Variants in ALK observed in about 807,000 individuals in gnomAD.
ALK encodes the protein ALK receptor tyrosine kinase, also known as ALK tyrosine kinase receptor.
ALK carries 74 observed loss-of-function variants against 163.1 expected under a neutral mutation model. That is an observed-to-expected ratio of 0.45 (90% confidence interval 0.38 to 0.55). The LOEUF (loss-of-function observed/expected upper bound fraction) is 0.55, where lower values mean the gene tolerates loss of function less well. ALK is among the 20% of genes least tolerant of loss of function. The probability of loss-of-function intolerance (pLI) is 0.00; values close to 1 mark genes in which losing one functional copy is unlikely to be tolerated. For synonymous variants in ALK, 960 were observed against 843.2 expected, an observed-to-expected ratio of 1.14 and a Z score of -2.40; for missense variants, 2,063 against 2,105.3, an observed-to-expected ratio of 0.98 and a Z score of 0.39.
At chr2:29,662,160 C>T (rs1471992638) in intron 3 of ALK, among the ~76,000 whole-genome samples, 1 of 152,146 alleles carries the variant, frequency 6.6e-6, no homozygotes, top group Non-Finnish European at 1.5e-5. Flanking sequence ...AATCTGCCCA[C>T]CTCGGCCTCC....
At chr2:29,397,792 C>T (rs1353632801) in intron 4 of ALK, among the ~76,000 whole-genome samples, 1 of 152,176 alleles carries the variant, frequency 6.6e-6, no homozygotes, top group African/African-American at 2.4e-5. Context: ...TAGAATGATA[C>T]TAGGAAGTGT....
At chr2:29,530,062 CTTTTTTTTTT>C (rs10536963) in intron 4 of ALK, among the ~76,000 whole-genome samples, 9 of 101,904 alleles carry the variant, frequency 8.8e-5, no homozygotes, top group Non-Finnish European at 1.6e-4. Context: ...AATAATCGCT[CTTTTTTTTTT>C]TTTTTTTTTT....
chr2:29,304,014 T>C (rs1666438155), intron 8 of ALK, among the ~76,000 whole-genome samples: 1 of 152,172 alleles, frequency 6.6e-6, no homozygotes, highest in Non-Finnish European at 1.5e-5. Flanking sequence ...CCTGCATGTT[T>C]ATCCCCTGAA....
chr2:29,800,847 G>A (rs1203402958), intron 1 of ALK, among the ~76,000 whole-genome samples: 2 of 152,216 alleles, frequency 1.3e-5, no homozygotes. Context: ...GGGGAGCTGA[G>A]TAATTTACAG....
In ALK at chr2:29,549,137, T is replaced by TACACAC. The variant is rs58557380; in HGVS notation, c.953-17027_953-17022dup. 3.8e-3 allele frequency among the ~76,000 whole-genome samples: 567 copies of TACACAC among 149,730 alleles called. 2 individuals carry two copies. Among genetic ancestry groups the TACACAC allele is most frequent in the South Asian group, 9.4e-3 (44 of 4,686 alleles). On this transcript the variant is annotated intron_variant, in intron 3 of 28. Transcript: ENST00000389048. ...ATAACAGTGGCTGCTGATCTACAGG[T>TACACAC]ACACACACACACACACACACACACG...
intron 4 of ALK, among the ~76,000 whole-genome samples, chr2:29,499,723 C>A (rs1030463194): frequency 1.3e-5 from 2 of 152,120 alleles, no homozygotes; most frequent in Admixed American, 1.3e-4. Context: ...ATTTTCACCA[C>A]CGTGAACCAC....
intron 4 of ALK, among the ~76,000 whole-genome samples, chr2:29,453,333 G>A (rs4267472): frequency 0.57 from 86,163 of 151,926 alleles, 24,637 homozygotes; most frequent in East Asian, 0.68. Flanking sequence ...CCAGGCTCAA[G>A]CCATCCTCCC....
At position 29,225,531 on chromosome 2, in the gene ALK, C is replaced by G. The variant is rs138771319; in HGVS notation, c.3102G>C (p.Ser1034=). The G allele has an allele frequency of 1.2e-6, 2 of 1,613,248 alleles. No homozygotes were observed. Among genetic ancestry groups the G allele is most frequent in the South Asian group, 1.1e-5 (1 of 90,598 alleles). Residue 1034 remains serine (S), a synonymous_variant, in exon 19 of 29, where the codon TCG becomes TCC. Coordinates refer to ENST00000389048, the MANE Select transcript of ALK (RefSeq NM_004304.5). ...CAGAGGTCACCACAGAGAGGATCAG[C>G]GAGAGTGGCAGGTGTGGCTCCGGGG... is the stretch of plus-strand genomic sequence containing the variant. ...SPTPEPHLPL[S]LILSVVTSAL... is the part of the protein sequence containing the mutation.
At chr2:29,563,609 G>A (rs771190920) in intron 3 of ALK, among the ~76,000 whole-genome samples, 1 of 152,156 alleles carries the variant, frequency 6.6e-6, no homozygotes, top group Non-Finnish European at 1.5e-5. Context: ...TCTTTCTGAT[G>A]TGGGTATAAC....
chr2:29,647,784 T>TTC (rs935666000), intron 3 of ALK, among the ~76,000 whole-genome samples: 1 of 148,598 alleles, frequency 6.7e-6, no homozygotes, highest in African/African-American at 2.5e-5. Flanking sequence ...TCTTTTTTTT[T>TTC]TTTTTTTTTT....
intron 1 of ALK, among the ~76,000 whole-genome samples, chr2:29,834,969 T>G (rs1439344242): frequency 1.3e-5 from 2 of 152,228 alleles, no homozygotes; most frequent in Admixed American, 6.5e-5. Context: ...GAGCTCATGG[T>G]AAAGAAAACT....
At chr2:29,756,069 G>A (rs1311484768) in intron 1 of ALK, among the ~76,000 whole-genome samples, 4 of 152,176 alleles carry the variant, frequency 2.6e-5, no homozygotes, top group Non-Finnish European at 5.9e-5. Context: ...TACACACAGT[G>A]GCAAGGAGCC....
At chr2:29,502,630 C>A (rs1370145690) in intron 4 of ALK, among the ~76,000 whole-genome samples, 1 of 151,994 alleles carries the variant, frequency 6.6e-6, no homozygotes, top group Non-Finnish European at 1.5e-5. Flanking sequence ...GGAACAGCAC[C>A]GGCCTGGGTA....
At chr2:29,217,765 T>TGGGAGTATC (rs1239459207) in intron 23 of ALK, among the ~76,000 whole-genome samples, 1 of 152,134 alleles carries the variant, frequency 6.6e-6, no homozygotes, top group Non-Finnish European at 1.5e-5. Context: ...AGGGAACCCC[T>TGGGAGTATC]GGGAGTATCA....
chr2:29,349,046 C>A (rs1310318731), intron 5 of ALK, among the ~76,000 whole-genome samples: 1 of 112,926 alleles, frequency 8.9e-6, no homozygotes, highest in East Asian at 3.5e-4. Flanking sequence ...TTGTGAAGAG[C>A]AAATGAATTA....
intron 4 of ALK, among the ~76,000 whole-genome samples, chr2:29,413,780 G>C (rs911570780): frequency 6.6e-6 from 1 of 152,002 alleles, no homozygotes; most frequent in African/African-American, 2.4e-5. Context: ...TGACCCACCT[G>C]CCTCAGCCTC....
chr2:29,493,262 C>G (rs1671945889), intron 4 of ALK, among the ~76,000 whole-genome samples: 1 of 152,182 alleles, frequency 6.6e-6, no homozygotes, highest in South Asian at 2.1e-4. Flanking sequence ...AATGGCTCCA[C>G]CTGGGTAACT....
At chr2:29,225,607 G>T (rs763224787) in intron 18 of ALK, 42 bp from the exon 19 acceptor site, 2 of 1,536,074 alleles carry the variant, frequency 1.3e-6, no homozygotes, top group South Asian at 1.2e-5. Context: ...ACCACACCAG[G>T]TCTCCTTTGA....
At chr2:29,358,464 G>T (rs1439354821) in intron 5 of ALK, among the ~76,000 whole-genome samples, 1 of 152,310 alleles carries the variant, frequency 6.6e-6, no homozygotes, top group East Asian at 1.9e-4. Flanking sequence ...TGGGCCTATG[G>T]TTCAGTCTAA....
Sources: gnomAD v4.1 joint callset for allele counts (sites outside exome capture counted in the v4.1 genomes callset) on GRCh38, gnomAD v4.1.1 for gene constraint, MANE v1.5 for transcripts, NCBI Gene and HGNC (gene_info 2026-07-23, HGNC 2026-07-21) for gene names.